Variants in SMG6 observed in about 807,000 individuals in gnomAD.
The protein encoded by SMG6 is SMG6 nonsense mediated mRNA decay factor, also known as telomerase-binding protein EST1A.
A neutral mutation model predicts 142.2 loss-of-function variants in SMG6; 66 were observed. That is an observed-to-expected ratio of 0.46 (90% CI 0.38 to 0.57). The LOEUF (loss-of-function observed/expected upper bound fraction) is 0.57, where lower values mean the gene tolerates loss of function less well. Among genes scored for constraint, SMG6 ranks in the 20% least tolerant of loss-of-function variants. The pLI, the probability that SMG6 is intolerant of heterozygous loss-of-function variation, is 0.00. For synonymous variants in SMG6, 779 were observed against 702.4 expected (o/e 1.11, Z -1.72); for missense variants, 1,793 against 1,832.0 (o/e 0.98, Z 0.39).
intron 13 of SMG6, chr17:2,122,251 G>A (rs1456903268): frequency 2.6e-5 from 4 of 152,180 alleles, no homozygotes; most frequent in African/African-American, 9.7e-5. Context: ...TAGGTACTGG[G>A]TATAAGTGAG....
chr17:2,138,625 G>A (rs917352385), intron 13 of SMG6, among the ~76,000 whole-genome samples: 10 of 152,182 alleles, frequency 6.6e-5, no homozygotes, highest in African/African-American at 2.4e-4. Flanking sequence ...CAGATTCAGA[G>A]AGTAAGTGGT....
intron 13 of SMG6, among the ~76,000 whole-genome samples, chr17:2,124,199 G>T (rs16951935): frequency 0.014 from 2,135 of 152,304 alleles, 51 homozygotes; most frequent in African/African-American, 0.048. Flanking sequence ...GAGGCATTTT[G>T]GTAGTGCGGT....
At position 2,066,308 on chromosome 17, in the gene SMG6, GTA is replaced by G. The variant is rs1491521715; in HGVS notation, c.3836-631_3836-630del. ...TATGTGTCTGTGTGCGTGTGTACATGTATGTGTGTGTGTACATGTGTGTATGT... is the reference window on the plus strand; with the variant it reads ...TATGTGTCTGTGTGCGTGTGTACATGTGTGTGTGTGTACATGTGTGTATGT... On this transcript the variant is annotated intron_variant, in intron 16 of 18. Transcript: ENST00000263073. 7.2e-5 allele frequency among the ~76,000 whole-genome samples: 11 copies of G among 151,898 alleles called. No individual in the cohort carries two copies. The East Asian group carries it at 1.6e-3, about 21-fold the overall frequency.
chr17:2,190,777 GTCACC>G (rs1424621993), intron 10 of SMG6, among the ~76,000 whole-genome samples: 1 of 152,206 alleles, frequency 6.6e-6, no homozygotes, highest in Non-Finnish European at 1.5e-5. Context: ...TGACGGTTAT[GTCACC>G]TCAACTCCCC....
At chr17:2,297,724 G>T in intron 3 of SMG6, 139 bp downstream of exon 3, 1 of 851,022 alleles carries the variant, frequency 1.2e-6, no homozygotes, top group Non-Finnish European at 1.8e-6. Context: ...ACTGGTGTAG[G>T]GAAGGCTCAG....
rs1597326243 is a variant in SMG6 at position 2,068,387 on chromosome 17, C to G, written c.3835+391G>C. Among the ~76,000 whole-genome samples, 1 of 152,232 alleles carries G rather than the reference C, an allele frequency of 6.6e-6. No individual in the cohort carries two copies. The highest frequency in any genetic ancestry group is 2.4e-5 in the African/African-American group (1 of 41,460). On this transcript the variant is annotated intron_variant, in intron 16 of 18. Coordinates refer to ENST00000263073, the MANE Select transcript of SMG6 (RefSeq NM_017575.5). The surrounding 1 kb of genome is among the most constrained non-coding windows in gnomAD (Gnocchi z 6.7). ...TCAGACCAAAGGCATCTAACCACTTCAAAATCCTCCCAGCCTCCCTGCCAG... is the reference window on the plus strand; with the variant it reads ...TCAGACCAAAGGCATCTAACCACTTGAAAATCCTCCCAGCCTCCCTGCCAG...
In SMG6 at chr17:2,299,359, G is replaced by A. The variant is rs2075217994; in HGVS notation, c.1394C>T (p.Pro465Leu). The change falls in exon 2 of 19, where the codon CCT becomes CTT. Residue 465 changes from proline to leucine, a missense_variant. Coordinates refer to ENST00000263073, the MANE Select transcript of SMG6 (RefSeq NM_017575.5). This position sits in a 1 kb window ranked among gnomAD's most constrained non-coding sequence, Gnocchi z 4.3. ...CTGGGGCGTCTGAGTCTTTAGAGCA[G>A]GTTTCTGATCAGGATTGTTTGGGTC... is the stretch of plus-strand genomic sequence containing the variant. ...LWDPNNPDQK[P>L]ALKTQTPQLH... is the part of the protein sequence containing the mutation. 1.9e-6 allele frequency: 3 copies of A among 1,614,074 alleles called. No individual in the cohort carries two copies. Among genetic ancestry groups the A allele is most frequent in the East Asian group, 4.5e-5 (2 of 44,876 alleles).
At chr17:2,152,202 A>G (rs1248661244) in intron 13 of SMG6, among the ~76,000 whole-genome samples, 1 of 152,184 alleles carries the variant, frequency 6.6e-6, no homozygotes, top group Non-Finnish European at 1.5e-5. Flanking sequence ...AAAGAACTGA[A>G]AAAAGCTTCA....
intron 10 of SMG6, among the ~76,000 whole-genome samples, chr17:2,226,762 G>A (rs1298046470): frequency 1.3e-5 from 2 of 151,920 alleles, no homozygotes; most frequent in African/African-American, 2.4e-5. Flanking sequence ...AGGCGTGGTG[G>A]TGAGTACCTA....
intron 10 of SMG6, among the ~76,000 whole-genome samples, chr17:2,224,443 A>G (rs1459502245): frequency 6.6e-6 from 1 of 152,196 alleles, no homozygotes; most frequent in Non-Finnish European, 1.5e-5. Context: ...GGAAATAAAA[A>G]ATTTATTAAA....
intron 13 of SMG6, among the ~76,000 whole-genome samples, chr17:2,110,886 T>C (rs58692662): frequency 0.018 from 2,763 of 152,282 alleles, 90 homozygotes; most frequent in African/African-American, 0.064. Flanking sequence ...ATGTATTTAC[T>C]GTGAAAATTA....
At chr17:2,119,898 G>C (rs572666866) in intron 13 of SMG6, among the ~76,000 whole-genome samples, 1 of 152,048 alleles carries the variant, frequency 6.6e-6, no homozygotes, top group Non-Finnish European at 1.5e-5. Flanking sequence ...TCCTGACCTC[G>C]CGATCCACCC....
chr17:2,169,329 G>A (rs1329539703), intron 13 of SMG6, among the ~76,000 whole-genome samples: 4 of 151,644 alleles, frequency 2.6e-5, no homozygotes, highest in African/African-American at 9.7e-5. Context: ...AAAAAAAGGA[G>A]GTAATAATAC....
intron 8 of SMG6, chr17:2,265,948 T>C (rs1330350954): frequency 1.0e-6 from 1 of 972,228 alleles, no homozygotes; most frequent in African/African-American, 1.8e-5. Flanking sequence ...AACTGGTGCA[T>C]GTGTTGGGCT....
At chr17:2,250,329 G>A (rs1262124629) in intron 8 of SMG6, among the ~76,000 whole-genome samples, 1 of 152,016 alleles carries the variant, frequency 6.6e-6, no homozygotes, top group African/African-American at 2.4e-5. Flanking sequence ...ATTTTAAAGT[G>A]ATTTTGAGGA....
chr17:2,235,740 T>C (rs1339644833), intron 10 of SMG6: 1 of 152,510 alleles, frequency 6.6e-6, no homozygotes, highest in Non-Finnish European at 1.5e-5. Context: ...AGTCATACCA[T>C]ATCATCCTTA....
intron 8 of SMG6, among the ~76,000 whole-genome samples, chr17:2,247,138 G>A (rs1597701236): frequency 6.6e-6 from 1 of 152,176 alleles, no homozygotes; most frequent in African/African-American, 2.4e-5. Context: ...CCATTTACCT[G>A]CGGTGGGATC....
At chr17:2,200,295 GAGACTAAAAGGGAT>G (rs1258943739) in intron 10 of SMG6, among the ~76,000 whole-genome samples, 3 of 152,058 alleles carry the variant, frequency 2.0e-5, no homozygotes, top group African/African-American at 7.2e-5. Flanking sequence ...CTGAAAAGTG[GAGACTAAAAGGGAT>G]TCAACCTGCA....
At chr17:2,279,394 G>A (rs144484281) in intron 8 of SMG6, among the ~76,000 whole-genome samples, 225 of 152,320 alleles carry the variant, frequency 1.5e-3, no homozygotes, top group Non-Finnish European at 2.5e-3. Flanking sequence ...GGACTATGTC[G>A]AGGATTTTAG....
Sources: gnomAD v4.1 joint callset for allele counts (sites outside exome capture counted in the v4.1 genomes callset) on GRCh38, gnomAD v4.1.1 for gene constraint, Gnocchi (gnomAD v3.1) non-coding constraint, MANE v1.5 for transcripts, NCBI Gene and HGNC (gene_info 2026-07-23, HGNC 2026-07-21) for gene names.